Variants in CD200R1 observed in about 807,000 individuals in gnomAD.
CD200R1 encodes the protein cell surface glycoprotein CD200 receptor 1.
A neutral mutation model predicts 38.1 loss-of-function variants in CD200R1; 30 were observed. The observed-to-expected ratio is 0.79, with a 90% CI of 0.59 to 1.07. The LOEUF (loss-of-function observed/expected upper bound fraction) is 1.07. Among genes scored for constraint, CD200R1 ranks in the 50% least tolerant of loss-of-function variants. CD200R1 has a pLI of 0.00. For missense variants in CD200R1, 372 were observed against 415.4 expected, an observed-to-expected ratio of 0.90 and a Z score of 0.91; for synonymous variants, 128 against 152.1, an observed-to-expected ratio of 0.84 and a Z score of 1.16.
chr3:112,923,522 AC>A lies in CD200R1; in HGVS notation c.*154del. ...GCTAAGAATCAAAAATTCCAATTATACAAGGGTATGAATGAGAATCCATTAA... is the reference window on the plus strand; with the variant it reads ...GCTAAGAATCAAAAATTCCAATTATAAAGGGTATGAATGAGAATCCATTAA... On this transcript the variant is annotated 3_prime_UTR_variant, in exon 8 of 8. Transcript: ENST00000308611. The A allele has an allele frequency of 4.4e-6, 2 of 458,550 alleles. No individual in the cohort carries two copies. The highest frequency in any genetic ancestry group is 7.8e-6 in the Non-Finnish European group (2 of 257,466). The allele number at this position is 458,550 out of a possible 1,614,324, so 28.4% of individuals were successfully genotyped here. A position where few individuals can be genotyped will look rare whatever the true frequency, so the allele number is the denominator to read the frequency against.
intron 1 of CD200R1, among the ~76,000 whole-genome samples, chr3:112,964,029 G>T (rs1933090708): frequency 6.6e-6 from 1 of 152,194 alleles, no homozygotes; most frequent in Admixed American, 6.5e-5. Context: ...TCAAGCTGTG[G>T]CAGCTTCCAT....
rs1940255021 is a variant in CD200R1 at position 112,925,187 on chromosome 3, C to T, written c.776G>A (p.Gly259Asp). Reference protein sequence around the residue: ...SLYIELLPVPGAKKSAKLYIP... With the variant: ...SLYIELLPVPDAKKSAKLYIP... ...ATATAATTTTGCTGATTTTTTGGCA[C>T]CTGGAACTATAGACACAAAAATATA... The change falls in exon 6 of 8, where the codon GGT (glycine) becomes GAT (aspartate). Residue 259 changes from glycine (G) to aspartate (D), a missense_variant. Gly to Asp is a moderately conservative substitution (Grantham distance 94). Transcript: ENST00000308611. 6.6e-7 allele frequency: 1 copy of T among 1,513,732 alleles called. No homozygotes were observed. The highest frequency in any genetic ancestry group is 9.2e-7 in the Non-Finnish European group (1 of 1,092,012). The allele number at this position is 1,513,732 out of a possible 1,614,324, so 93.8% of individuals were successfully genotyped here.
chr3:112,943,512 C>A (rs1940773161), intron 2 of CD200R1, among the ~76,000 whole-genome samples: 1 of 151,678 alleles, frequency 6.6e-6, no homozygotes, highest in African/African-American at 2.4e-5. Context: ...ATTGAATGCA[C>A]ATATTAGAAA....
intron 1 of CD200R1, among the ~76,000 whole-genome samples, chr3:112,954,761 A>T (rs568331933): frequency 6.6e-6 from 1 of 152,300 alleles, no homozygotes; most frequent in South Asian, 2.1e-4. Context: ...GCCTTGCCCT[A>T]TGCACTTTTT....
chr3:112,951,706 T>C (rs1043007000), intron 1 of CD200R1, among the ~76,000 whole-genome samples: 1 of 151,160 alleles, frequency 6.6e-6, no homozygotes, highest in Non-Finnish European at 1.5e-5. Flanking sequence ...AAAATACTAA[T>C]AATATTTTAA....
At position 112,962,414 on chromosome 3, in the gene CD200R1, A is replaced by G. The variant is rs868202014; in HGVS notation, c.67+12377T>C. Among the ~76,000 whole-genome samples, 6 of 152,366 alleles carry G rather than the reference A, an allele frequency of 3.9e-5. 1 individual carries two copies. The South Asian group carries it at 8.3e-4, about 21-fold the overall frequency. Reference sequence around the variant, plus strand: ...CATTGTTTTCCAAAAAATCTGACACAGTTTTGAAACTGTAATTTAAAAAAA... The same window carrying G: ...CATTGTTTTCCAAAAAATCTGACACGGTTTTGAAACTGTAATTTAAAAAAA... On this transcript the variant is annotated intron_variant, in intron 1 of 7. Transcript: ENST00000308611.
At position 112,935,505 on chromosome 3, in the gene CD200R1, T is replaced by C. The variant is rs770748021; in HGVS notation, c.137-4334A>G. ...AATGACAAATGAGTAAAGAAAGAAA[T>C]TAAGAAGTTTAAGAATTTCTTGAAA... is the stretch of plus-strand genomic sequence containing the variant. On this transcript the variant is annotated intron_variant, in intron 2 of 7. Transcript: ENST00000308611. Among the ~76,000 whole-genome samples, 42 of 152,008 alleles carry C rather than the reference T, an allele frequency of 2.8e-4. 1 individual carries two copies. Among genetic ancestry groups the C allele is most frequent in the Non-Finnish European group, 4.4e-5 (3 of 67,958 alleles).
At chr3:112,941,552 C>G (rs1940728833) in intron 2 of CD200R1, among the ~76,000 whole-genome samples, 1 of 151,464 alleles carries the variant, frequency 6.6e-6, no homozygotes, top group South Asian at 2.1e-4. Context: ...CATTCCTTCC[C>G]TTGAGCTCTG....
At chr3:112,954,820 T>C (rs570349218) in intron 1 of CD200R1, among the ~76,000 whole-genome samples, 1 of 152,280 alleles carries the variant, frequency 6.6e-6, no homozygotes, top group African/African-American at 2.4e-5. Flanking sequence ...TAAACATAAG[T>C]AAGTATTTCG....
intron 1 of CD200R1, among the ~76,000 whole-genome samples, chr3:112,948,889 C>CT (rs1424273773): frequency 5.9e-5 from 9 of 152,270 alleles, no homozygotes; most frequent in Admixed American, 3.9e-4. Flanking sequence ...GAGGCAGTAG[C>CT]TAGGGAAACA....
chr3:112,965,892 T>A (rs1310948845), intron 1 of CD200R1, among the ~76,000 whole-genome samples: 3 of 151,998 alleles, frequency 2.0e-5, no homozygotes, highest in African/African-American at 7.3e-5. Flanking sequence ...CTAGAAGGAA[T>A]GAGACAAAAA....
intron 1 of CD200R1, among the ~76,000 whole-genome samples, chr3:112,950,325 C>T (rs574019531): frequency 4.0e-5 from 6 of 151,024 alleles, no homozygotes; most frequent in African/African-American, 7.3e-5. Flanking sequence ...TGCTTGAACC[C>T]GGGAGGCAGA....
At chr3:112,948,132 A>G (rs1940904433) in intron 1 of CD200R1, among the ~76,000 whole-genome samples, 1 of 152,202 alleles carries the variant, frequency 6.6e-6, no homozygotes, top group African/African-American at 2.4e-5. Flanking sequence ...ACTCTGGCAT[A>G]GTCCTGCTTT....
intron 2 of CD200R1, 61 bp from the exon 3 acceptor site, chr3:112,931,232 G>A (rs1179769991): frequency 9.8e-7 from 1 of 1,018,436 alleles, no homozygotes; most frequent in East Asian, 2.4e-5. Flanking sequence ...GTGGAAGCCA[G>A]TATCCCTCCA....
At position 112,929,036 on chromosome 3, in the gene CD200R1, G is replaced by A; in HGVS notation, c.549C>T (p.Asn183=). ...CCTTGCATACTGCAGTTCTATTCCTGTTTTGAAACAGGGTCACTTCAGGTG... is the reference window on the plus strand; with the variant it reads ...CCTTGCATACTGCAGTTCTATTCCTATTTTGAAACAGGGTCACTTCAGGTG... ...LVTPEVTLFQ[N]RNRTAVCKAV... Residue 183 remains asparagine, a synonymous_variant, in exon 5 of 8, where the codon AAC becomes AAT. Coordinates refer to ENST00000308611, the MANE Select transcript of CD200R1 (RefSeq NM_138806.4). The A allele has an allele frequency of 6.2e-7, 1 of 1,613,886 alleles. No individual in the cohort carries two copies. Among genetic ancestry groups the A allele is most frequent in the Non-Finnish European group, 8.5e-7 (1 of 1,179,996 alleles).
At chr3:112,948,957 TA>T (rs1940921238) in intron 1 of CD200R1, among the ~76,000 whole-genome samples, 1 of 152,190 alleles carries the variant, frequency 6.6e-6, no homozygotes. Context: ...TATAGAAGTT[TA>T]AAAGAAGAGA....
chr3:112,961,184 AGG>A (rs1381673352), intron 1 of CD200R1, among the ~76,000 whole-genome samples: 8 of 152,084 alleles, frequency 5.3e-5, no homozygotes, highest in Non-Finnish European at 1.0e-4. Flanking sequence ...GGAATCTCGC[AGG>A]GGTTACTTTC....
At chr3:112,962,473 C>T (rs181999139) in intron 1 of CD200R1, among the ~76,000 whole-genome samples, 18 of 152,156 alleles carry the variant, frequency 1.2e-4, no homozygotes, top group African/African-American at 3.9e-4. Context: ...CTGTAGGGGG[C>T]TAATTAAATG....
intron 5 of CD200R1, among the ~76,000 whole-genome samples, chr3:112,926,733 TCTCC>T (rs1463500111): frequency 6.6e-6 from 1 of 152,152 alleles, no homozygotes; most frequent in African/African-American, 2.4e-5. Context: ...GATTTTCTCT[TCTCC>T]CTCATTAAAA....
Sources: gnomAD v4.1 joint callset for allele counts (sites outside exome capture counted in the v4.1 genomes callset) on GRCh38, gnomAD v4.1.1 for gene constraint, MANE v1.5 for transcripts, NCBI Gene and HGNC (gene_info 2026-07-23, HGNC 2026-07-21) for gene names.